MAPRE3: variants seen among roughly 807,000 people sequenced by gnomAD.
MAPRE3 encodes microtubule associated protein RP/EB family member 3, also known as microtubule-associated protein RP/EB family member 3.
A neutral mutation model predicts 30.5 loss-of-function variants in MAPRE3; 2 were observed. That is an observed-to-expected ratio of 0.07 (90% CI 0.03 to 0.21). The LOEUF is 0.21. Ranked by LOEUF, MAPRE3 falls within the 10% of genes least tolerant of loss-of-function variation. MAPRE3 has a pLI of 1.00. For synonymous variants in MAPRE3, 110 were observed against 127.7 expected, an observed-to-expected ratio of 0.86 and a Z score of 0.93; for missense variants, 204 against 351.8, an observed-to-expected ratio of 0.58 and a Z score of 3.36.
chr2:27,023,636 C>A, intron 3 of MAPRE3, 159 bp downstream of exon 3: 1 of 804,128 alleles, frequency 1.2e-6, no homozygotes, highest in Non-Finnish European at 2.0e-6. Flanking sequence ...CTGCTCAAGG[C>A]ACAATGGAAA....
intron 2 of MAPRE3, 76 bp downstream of exon 2, chr2:27,022,415 A>G (rs1232230952): frequency 8.3e-6 from 13 of 1,568,884 alleles, no homozygotes; most frequent in Non-Finnish European, 9.6e-6. Context: ...AGCAGCCACA[A>G]CAGGGAATAT....
rs905625512 is a variant in MAPRE3 at position 27,015,929 on chromosome 2, C to G, written c.-7-6283C>G. Reference sequence around the variant, plus strand: ...AGGCCTCAGTCTGCAGAATGACCAGCAGCTTCCCCTCCCGCAATGAGAGCT... The same window carrying G: ...AGGCCTCAGTCTGCAGAATGACCAGGAGCTTCCCCTCCCGCAATGAGAGCT... On this transcript the variant is annotated intron_variant, in intron 1 of 6. Coordinates refer to ENST00000233121, the MANE Select transcript of MAPRE3 (RefSeq NM_012326.4). This position sits in a 1 kb window ranked among gnomAD's most constrained non-coding sequence, Gnocchi z 4.0. 6.6e-6 allele frequency among the ~76,000 whole-genome samples: 1 copy of G among 152,202 alleles called. No homozygotes were observed. Among genetic ancestry groups the G allele is most frequent in the Non-Finnish European group, 1.5e-5 (1 of 68,032 alleles).
intron 1 of MAPRE3, among the ~76,000 whole-genome samples, chr2:26,994,463 C>T (rs974625447): frequency 1.9e-4 from 29 of 152,220 alleles, no homozygotes; most frequent in African/African-American, 7.0e-4. Context: ...GACCAGAATA[C>T]CAATTCCAGC....
intron 1 of MAPRE3, among the ~76,000 whole-genome samples, chr2:26,983,532 C>G (rs534693012): frequency 1.3e-5 from 2 of 152,158 alleles, no homozygotes; most frequent in Non-Finnish European, 2.9e-5. Context: ...GAGGCCCTCT[C>G]GAAGGGTATT....
chr2:27,003,960 C>T (rs1211365039), intron 1 of MAPRE3, among the ~76,000 whole-genome samples: 3 of 152,178 alleles, frequency 2.0e-5, no homozygotes, highest in Non-Finnish European at 4.4e-5. Flanking sequence ...TCACAACAGT[C>T]CGGCAGCATA....
intron 1 of MAPRE3, among the ~76,000 whole-genome samples, chr2:27,018,774 T>C (rs1667043546): frequency 6.6e-6 from 1 of 152,084 alleles, no homozygotes; most frequent in African/African-American, 2.4e-5. Context: ...GCAATTCCAC[T>C]CCACCAATAT....
intron 1 of MAPRE3, chr2:27,011,812 C>G (rs1339682749): frequency 7.0e-6 from 1 of 141,882 alleles, no homozygotes; most frequent in Non-Finnish European, 1.5e-5. Flanking sequence ...TGCCATTGTA[C>G]TCCAGCCTGG....
Position 27,025,685 on chromosome 2 carries a change from C to T in MAPRE3, c.572C>T (p.Ala191Val). 6.2e-7 allele frequency: 1 copy of T among 1,614,050 alleles called. No homozygotes were observed. The highest frequency in any genetic ancestry group is 8.5e-7 in the Non-Finnish European group (1 of 1,179,958). The change falls in exon 5 of 7, where the codon GCC becomes GTC. Residue 191 changes from alanine (A) to valine (V), a missense_variant. By Grantham distance (64) the Ala-to-Val change is moderately conservative. Coordinates refer to ENST00000233121, the MANE Select transcript of MAPRE3 (RefSeq NM_012326.4). ...PCILRKNPPSARNGGHETDAQ... is the reference protein window; with the variant it reads ...PCILRKNPPSVRNGGHETDAQ... ...ATTCTCCGGAAGAATCCTCCATCAG[C>T]CCGAAATGGCGGCCATGAGACTGAT...
At chr2:27,019,191 G>A (rs1321058826) in intron 1 of MAPRE3, among the ~76,000 whole-genome samples, 9 of 152,006 alleles carry the variant, frequency 5.9e-5, no homozygotes, top group African/African-American at 1.2e-4. Flanking sequence ...CACCGCACCC[G>A]CTCTCACACA....
rs574123522 is a variant in MAPRE3, at chr2:26,997,424, ATTC to A, written c.-7-24781_-7-24779del. ...CGTATGTTATGTGTGGCCCAAGACAATTCTTCTTCCCGTGTGACCCAGGGAAGC... is the reference window on the plus strand; with the variant it reads ...CGTATGTTATGTGTGGCCCAAGACAATTCTTCCCGTGTGACCCAGGGAAGC... On this transcript the variant is annotated intron_variant, in intron 1 of 6. Transcript: ENST00000233121. Among the ~76,000 whole-genome samples the A allele has an allele frequency of 2.7e-3, 416 of 152,204 alleles. 1 individual carries two copies. The highest frequency in any genetic ancestry group is 9.6e-3 in the African/African-American group (400 of 41,518).
At chr2:27,011,431 C>T (rs994466959) in intron 1 of MAPRE3, among the ~76,000 whole-genome samples, 28 of 152,172 alleles carry the variant, frequency 1.8e-4, no homozygotes, top group African/African-American at 6.8e-4. Context: ...CCTCTTCAAC[C>T]AAAGAAAAGC....
intron 1 of MAPRE3, among the ~76,000 whole-genome samples, chr2:26,989,878 G>A (rs1277588606): frequency 1.3e-5 from 2 of 152,184 alleles, no homozygotes; most frequent in Non-Finnish European, 2.9e-5. Context: ...TGGAGAAGCT[G>A]CAGTTTTAAG....
chr2:26,977,754 C>G (rs1666042110), intron 1 of MAPRE3, among the ~76,000 whole-genome samples: 1 of 152,208 alleles, frequency 6.6e-6, no homozygotes, highest in African/African-American at 2.4e-5. Flanking sequence ...TTGGTAGGGC[C>G]TGGCCGGGCA....
chr2:26,996,463 G>A (rs1028066528), intron 1 of MAPRE3, among the ~76,000 whole-genome samples: 1 of 152,106 alleles, frequency 6.6e-6, no homozygotes, highest in African/African-American at 2.4e-5. Flanking sequence ...GCCAACAGGA[G>A]TTTTCTTAAC....
At position 27,022,352 on chromosome 2, in the gene MAPRE3, G is replaced by C; in HGVS notation, c.121+13G>C. 1 of 1,612,572 alleles carries C rather than the reference G, an allele frequency of 6.2e-7. No homozygotes were observed. Among genetic ancestry groups the C allele is most frequent in the East Asian group, 2.2e-5 (1 of 44,850 alleles). ...CAGCTTTGTTCAGGTAGGAGGCTGG[G>C]AATATGGGAAGTGGCCCTGCTGGAA... On this transcript the variant is annotated intron_variant, in intron 2 of 6. Transcript: ENST00000233121.
chr2:27,023,604 C>T (rs778360151), intron 3 of MAPRE3, 127 bp downstream of exon 3: 57 of 1,142,668 alleles, frequency 5.0e-5, no homozygotes, highest in Non-Finnish European at 7.1e-5. Context: ...CACCTCCCGA[C>T]TCTCCAGAGG....
intron 1 of MAPRE3, among the ~76,000 whole-genome samples, chr2:26,978,258 T>C (rs1360098791): frequency 1.3e-5 from 2 of 152,224 alleles, no homozygotes; most frequent in Non-Finnish European, 2.9e-5. Flanking sequence ...AGCAAGATCA[T>C]AGTTGGGTCT....
At position 27,022,094 on chromosome 2, in the gene MAPRE3, G is replaced by A. The variant is rs1275393995; in HGVS notation, c.-7-118G>A. 4.9e-6 allele frequency: 6 copies of A among 1,215,260 alleles called. No homozygotes were observed. The African/African-American group carries it at 6.0e-5, about 12-fold the overall frequency. The allele number at this position is 1,215,260 out of a possible 1,614,324, so 75.3% of individuals were successfully genotyped here. A position where few individuals can be genotyped will look rare whatever the true frequency, so the allele number is the denominator to read the frequency against. On this transcript the variant is annotated intron_variant, in intron 1 of 6. Coordinates refer to ENST00000233121, the MANE Select transcript of MAPRE3 (RefSeq NM_012326.4). ...GACCCTCCCTCTGGGGATAAACTGCGAGGCCAATCTGGAGGGAATGTTTCT... is the reference window on the plus strand; with the variant it reads ...GACCCTCCCTCTGGGGATAAACTGCAAGGCCAATCTGGAGGGAATGTTTCT...
At chr2:27,025,541 G>A (rs1667218770) in intron 4 of MAPRE3, 42 bp from the exon 5 acceptor site, 2 of 1,525,408 alleles carry the variant, frequency 1.3e-6, no homozygotes, top group Non-Finnish European at 1.8e-6. Context: ...CACGTGCGCT[G>A]TGGGCTCACG....
Sources: allele counts gnomAD v4.1 joint callset (sites outside exome capture counted in the v4.1 genomes callset), GRCh38; gene constraint gnomAD v4.1.1; non-coding constraint Gnocchi (gnomAD v3.1); transcripts MANE v1.5; gene names NCBI Gene and HGNC (gene_info 2026-07-23, HGNC 2026-07-21).